Variants in MAN1C1 observed in about 807,000 individuals in gnomAD.
The protein encoded by MAN1C1 is mannosidase alpha class 1C member 1.
Under a neutral mutation model 71.5 loss-of-function variants are expected in MAN1C1, and 49 were observed. The ratio of observed to expected loss-of-function variants is 0.69; its 90% confidence interval spans 0.54 to 0.87. MAN1C1 has a LOEUF of 0.87. MAN1C1 is among the 40% of genes least tolerant of loss of function. MAN1C1 has a pLI of 0.00. For synonymous variants in MAN1C1, 352 were observed against 343.7 expected (o/e 1.02, Z -0.27); for missense variants, 743 against 835.0 (o/e 0.89, Z 1.36).
rs913427988 is a variant in MAN1C1, at chr1:25,779,130, T to G, written c.1477+806T>G. Among the ~76,000 whole-genome samples, 17 of 151,944 alleles carry G rather than the reference T, an allele frequency of 1.1e-4. No individual in the cohort carries two copies. The highest frequency in any genetic ancestry group is 2.5e-4 in the Non-Finnish European group (17 of 67,988). On this transcript the variant is annotated intron_variant, in intron 9 of 11. Transcript: ENST00000374332. This position sits in a 1 kb window ranked among gnomAD's most constrained non-coding sequence, Gnocchi z 4.6. Reference sequence around the variant, plus strand: ...CCACCGCTCTGAGTGGTAATCCCAGTGTTGGTTGGAGGGGACGACCCAAGA... The same window carrying G: ...CCACCGCTCTGAGTGGTAATCCCAGGGTTGGTTGGAGGGGACGACCCAAGA...
Position 25,618,261 on chromosome 1 carries a change from C to T in MAN1C1, c.464C>T (p.Pro155Leu), listed in dbSNP as rs1287993247. ...GCATTCCGGAGCCGTCTCCGCCACC[C>T]GGTCCTGGGAACGAGGGCCGATGAG... is the stretch of plus-strand genomic sequence containing the variant. ...FNAFRSRLRH[P>L]VLGTRADESQ... The change falls in exon 1 of 12, where the codon CCG (proline) becomes CTG (leucine). Residue 155 changes from proline to leucine, a missense_variant. Transcript: ENST00000374332. The T allele has an allele frequency of 2.5e-6, 4 of 1,603,686 alleles. No homozygotes were observed. Among genetic ancestry groups the T allele is most frequent in the Admixed American group, 1.7e-5 (1 of 58,026 alleles).
At chr1:25,780,461 AG>A (rs2047677758) in intron 9 of MAN1C1, among the ~76,000 whole-genome samples, 2 of 152,266 alleles carry the variant, frequency 1.3e-5, no homozygotes, top group Admixed American at 1.3e-4. Context: ...TCTAAGACAA[AG>A]GGTCCCAAGG....
At position 25,755,227 on chromosome 1, in the gene MAN1C1, G is replaced by A. The variant is rs74060812; in HGVS notation, c.929+1649G>A. ...CTCCTCACTGGTGTCTGCACAGACC[G>A]GCCTGGGAGACTGAGGCAGGGCCAG... On this transcript the variant is annotated intron_variant, in intron 5 of 11. Transcript: ENST00000374332. Among the ~76,000 whole-genome samples the A allele has an allele frequency of 6.2e-3, 950 of 152,304 alleles. 13 individuals carry two copies. The highest frequency in any genetic ancestry group is 0.021 in the African/African-American group (872 of 41,570).
Position 25,670,769 on chromosome 1 carries a change from A to G in MAN1C1, c.541-15671A>G, listed in dbSNP as rs565707029. On this transcript the variant is annotated intron_variant, in intron 1 of 11. Transcript: ENST00000374332. ...CCAGCTACAGAGCCCAAATGTTGGC[A>G]AAAGGAGAGAGACTGGTCTTACCTC... Among the ~76,000 whole-genome samples, 13 of 152,348 alleles carry G rather than the reference A, an allele frequency of 8.5e-5. No individual in the cohort carries two copies. The South Asian group carries it at 2.7e-3, about 32-fold the overall frequency.
intron 1 of MAN1C1, among the ~76,000 whole-genome samples, chr1:25,670,409 C>G (rs1433247395): frequency 6.6e-6 from 1 of 152,228 alleles, no homozygotes; most frequent in East Asian, 1.9e-4. Context: ...AGAACTGGTT[C>G]CGCCTCTTTC....
Position 25,617,784 on chromosome 1 carries a change from C to T in MAN1C1, c.-14C>T, listed in dbSNP as rs1330151958. 1 of 1,576,898 alleles carries T rather than the reference C, an allele frequency of 6.3e-7. No homozygotes were observed. Among genetic ancestry groups the T allele is most frequent in the Admixed American group, 1.8e-5 (1 of 55,962 alleles). On this transcript the variant is annotated 5_prime_UTR_variant, in exon 1 of 12. Transcript: ENST00000374332. The surrounding 1 kb of genome is among the most constrained non-coding windows in gnomAD (Gnocchi z 5.1). ...TGGACTCCGAGGGCTTCTGGAGCCA[C>T]CGGCCGGGCCACGATGCTCATGAGG...
chr1:25,763,979 G>T lies in MAN1C1; in HGVS notation c.1141+12G>T. ...GAACTGGGTGCAACGTGAGTACAGA[G>T]ACGCCACTGCCCCTTATTCAGCGGG... On this transcript the variant is annotated intron_variant, in intron 7 of 11. Coordinates refer to ENST00000374332, the MANE Select transcript of MAN1C1 (RefSeq NM_020379.4). 1 of 1,606,870 alleles carries T rather than the reference G, an allele frequency of 6.2e-7. No individual in the cohort carries two copies. Among genetic ancestry groups the T allele is most frequent in the Non-Finnish European group, 8.5e-7 (1 of 1,173,732 alleles).
rs532022423 is a variant in MAN1C1, at chr1:25,753,992, G to A, written c.929+414G>A. Among the ~76,000 whole-genome samples the A allele has an allele frequency of 2.5e-4, 38 of 152,090 alleles. No individual in the cohort carries two copies. The highest frequency in any genetic ancestry group is 4.4e-4 in the Non-Finnish European group (30 of 68,012). On this transcript the variant is annotated intron_variant, in intron 5 of 11. Transcript: ENST00000374332. This position sits in a 1 kb window ranked among gnomAD's most constrained non-coding sequence, Gnocchi z 4.9. The stretch of plus-strand genomic sequence containing the variant: ...ACTCTCTTCCCCCGCTGGGGTTCCG[G>A]AGCCAGCAGGCACATCACACCATCC...
chr1:25,748,605 G>A (rs2047170177), intron 3 of MAN1C1, among the ~76,000 whole-genome samples: 1 of 152,220 alleles, frequency 6.6e-6, no homozygotes, highest in African/African-American at 2.4e-5. Flanking sequence ...AGTGGCTCAG[G>A]TGGGGTTTAC....
In MAN1C1 at chr1:25,776,720, A is replaced by G. The variant is rs2047623645; in HGVS notation, c.1258-1385A>G. Among the ~76,000 whole-genome samples the G allele has an allele frequency of 6.6e-6, 1 of 152,104 alleles. No homozygotes were observed. The highest frequency in any genetic ancestry group is 1.5e-5 in the Non-Finnish European group (1 of 68,022). ...GGAAATATTACATGGCTGCCGAGAT[A>G]TTGTAAGCCAGGAGGGTACCTGAGT... On this transcript the variant is annotated intron_variant, in intron 8 of 11. Transcript: ENST00000374332. This position sits in a 1 kb window ranked among gnomAD's most constrained non-coding sequence, Gnocchi z 4.3.
chr1:25,743,530 C>G (rs538435694), intron 2 of MAN1C1, among the ~76,000 whole-genome samples: 1 of 152,350 alleles, frequency 6.6e-6, no homozygotes, highest in Admixed American at 6.5e-5. Context: ...CAGTAAGTGC[C>G]TTGCTGGACT....
At chr1:25,660,100 A>G (rs1045967247) in intron 1 of MAN1C1, among the ~76,000 whole-genome samples, 7 of 152,176 alleles carry the variant, frequency 4.6e-5, no homozygotes, top group African/African-American at 7.2e-5. Flanking sequence ...TAATCAGATT[A>G]AACTTAAGTG....
intron 1 of MAN1C1, among the ~76,000 whole-genome samples, chr1:25,655,226 C>T (rs1401775401): frequency 6.6e-6 from 1 of 152,178 alleles, no homozygotes; most frequent in African/African-American, 2.4e-5. Context: ...TGAGTTTCAA[C>T]TACAAAATGT....
chr1:25,690,230 C>T (rs1032336049), intron 2 of MAN1C1, among the ~76,000 whole-genome samples: 2 of 151,684 alleles, frequency 1.3e-5, no homozygotes, highest in African/African-American at 4.9e-5. Flanking sequence ...TGGCCACCAA[C>T]AACGAGGATG....
intron 3 of MAN1C1, among the ~76,000 whole-genome samples, chr1:25,747,791 C>T (rs994407561): frequency 6.6e-6 from 1 of 152,196 alleles, no homozygotes; most frequent in African/African-American, 2.4e-5. Context: ...GATTCCTCAA[C>T]TATACAATGA....
At chr1:25,707,294 T>TA (rs1249818996) in intron 2 of MAN1C1, among the ~76,000 whole-genome samples, 1 of 152,182 alleles carries the variant, frequency 6.6e-6, no homozygotes, top group Non-Finnish European at 1.5e-5. Context: ...CCCCTGGACT[T>TA]ACCGTCAAGC....
chr1:25,746,915 G>C lies in MAN1C1; in HGVS notation c.753+132G>C. The C allele has an allele frequency of 1.5e-6, 1 of 657,022 alleles. No individual in the cohort carries two copies. Among genetic ancestry groups the C allele is most frequent in the South Asian group, 1.9e-5 (1 of 51,896 alleles). 40.7% of individuals were successfully genotyped at this position (657,022 alleles called of 1,614,324 possible). ...CACGGCTGCACAGCCCAGCAGTCTC[G>C]GAACCGGAGCTGCCGTGCAGTCTGT... On this transcript the variant is annotated intron_variant, in intron 3 of 11. Transcript: ENST00000374332. This position sits in a 1 kb window ranked among gnomAD's most constrained non-coding sequence, Gnocchi z 4.0.
intron 1 of MAN1C1, among the ~76,000 whole-genome samples, chr1:25,678,036 C>T (rs1392949128): frequency 2.0e-5 from 3 of 151,818 alleles, no homozygotes; most frequent in Non-Finnish European, 4.4e-5. Flanking sequence ...GTAGAAAATT[C>T]AGAAAATATA....
chr1:25,717,459 G>T (rs2046696030), intron 2 of MAN1C1, among the ~76,000 whole-genome samples: 1 of 152,132 alleles, frequency 6.6e-6, no homozygotes, highest in Non-Finnish European at 1.5e-5. Context: ...GGAGGTCAAG[G>T]CTGCTGTGAT....
Sources: allele counts gnomAD v4.1 joint callset (sites outside exome capture counted in the v4.1 genomes callset), GRCh38; gene constraint gnomAD v4.1.1; non-coding constraint Gnocchi (gnomAD v3.1); transcripts MANE v1.5; gene names NCBI Gene and HGNC (gene_info 2026-07-23, HGNC 2026-07-21).